The following OLFM3 variants were observed in gnomAD, a reference collection of about 807,000 sequenced individuals.
The protein encoded by OLFM3 is olfactomedin 3.
Under a neutral mutation model 48.6 loss-of-function variants are expected in OLFM3, and 20 were observed. The observed-to-expected ratio is 0.41, with a 90% CI of 0.29 to 0.60. OLFM3 has a LOEUF of 0.60. Ranked by LOEUF, OLFM3 falls within the 20% of genes least tolerant of loss-of-function variation. The pLI is 0.28. For synonymous variants in OLFM3, 222 were observed against 198.1 expected (o/e 1.12, Z -1.01); for missense variants, 437 against 544.3 (o/e 0.80, Z 1.96).
chr1:101,819,485 A>G (rs1300103216), intron 4 of OLFM3, among the ~76,000 whole-genome samples: 1 of 152,086 alleles, frequency 6.6e-6, no homozygotes, highest in Non-Finnish European at 1.5e-5. Context: ...TGAGTAATTC[A>G]GTTGAAAAAT....
Position 101,857,709 on chromosome 1 carries a change from C to T in OLFM3, c.70-20684G>A, listed in dbSNP as rs928280151. Among the ~76,000 whole-genome samples, 31 of 151,728 alleles carry T rather than the reference C, an allele frequency of 2.0e-4. 1 individual carries two copies. The highest frequency in any genetic ancestry group is 3.3e-4 in the Admixed American group (5 of 15,214). On this transcript the variant is annotated intron_variant, in intron 1 of 5. Transcript: ENST00000370103. ...TCCTTTTCTTCCTTCCATATTTTCT[C>T]CTTTCTTCTCTTTCACTTTCACCAA...
At chr1:101,888,978 C>A (rs1433540856) in intron 1 of OLFM3, among the ~76,000 whole-genome samples, 1 of 152,042 alleles carries the variant, frequency 6.6e-6, no homozygotes, top group Non-Finnish European at 1.5e-5. Context: ...GTTAGAATGG[C>A]GATCATTAAA....
chr1:101,928,630 G>T (rs989929360), intron 1 of OLFM3, among the ~76,000 whole-genome samples: 1 of 152,064 alleles, frequency 6.6e-6, no homozygotes, highest in Non-Finnish European at 1.5e-5. Flanking sequence ...TTCCTTCACA[G>T]AGATTCTAAG....
At chr1:101,986,151 G>C (rs142139126) in intron 1 of OLFM3, among the ~76,000 whole-genome samples, 4,310 of 152,008 alleles carry the variant, frequency 0.028, 78 homozygotes, top group Admixed American at 0.034. Context: ...ATTTTTAGTA[G>C]AGACGGGGTT....
intron 1 of OLFM3, among the ~76,000 whole-genome samples, chr1:101,944,754 C>T (rs916610820): frequency 6.6e-6 from 1 of 151,970 alleles, no homozygotes. Context: ...GTGGTGGGAG[C>T]CTGTAATCCC....
chr1:101,966,607 T>G (rs562869392), intron 1 of OLFM3, among the ~76,000 whole-genome samples: 1 of 152,320 alleles, frequency 6.6e-6, no homozygotes, highest in Admixed American at 6.5e-5. Flanking sequence ...GAAAATGTTT[T>G]CATGTTATGT....
At chr1:101,816,450 A>G (rs1274530135) in intron 4 of OLFM3, among the ~76,000 whole-genome samples, 3 of 152,164 alleles carry the variant, frequency 2.0e-5, no homozygotes, top group East Asian at 1.9e-4. Flanking sequence ...ACCATGAGTA[A>G]TCATGTGCCT....
At chr1:101,935,634 C>A (rs1044306771) in intron 1 of OLFM3, among the ~76,000 whole-genome samples, 4 of 152,214 alleles carry the variant, frequency 2.6e-5, no homozygotes, top group South Asian at 4.1e-4. Flanking sequence ...ACAAGGCCAG[C>A]ATCATCCTGA....
intron 4 of OLFM3, among the ~76,000 whole-genome samples, chr1:101,807,708 A>G (rs1420470567): frequency 2.0e-5 from 3 of 151,816 alleles, no homozygotes; most frequent in Non-Finnish European, 1.5e-5. Flanking sequence ...TGAATCGAAT[A>G]TATTTTTCCC....
At chr1:101,962,951 G>T (rs1321240991) in intron 1 of OLFM3, among the ~76,000 whole-genome samples, 6 of 152,154 alleles carry the variant, frequency 3.9e-5, no homozygotes, top group African/African-American at 1.4e-4. Context: ...AACCCTATGT[G>T]GTGTTCAGTT....
At chr1:101,976,281 C>G (rs1453945073) in intron 1 of OLFM3, among the ~76,000 whole-genome samples, 1 of 152,152 alleles carries the variant, frequency 6.6e-6, no homozygotes, top group Non-Finnish European at 1.5e-5. Flanking sequence ...ATGTAAGGAA[C>G]TCTGACCTGG....
At chr1:101,973,582 C>A (rs894542622) in intron 1 of OLFM3, among the ~76,000 whole-genome samples, 2 of 152,076 alleles carry the variant, frequency 1.3e-5, no homozygotes, top group African/African-American at 4.8e-5. Flanking sequence ...TTCATAGAGG[C>A]CATGGAAAGA....
chr1:101,848,198 A>G (rs1328101360), intron 1 of OLFM3, among the ~76,000 whole-genome samples: 1 of 152,224 alleles, frequency 6.6e-6, no homozygotes, highest in Non-Finnish European at 1.5e-5. Context: ...AAATATAAAG[A>G]GAAGACACAA....
At chr1:101,832,719 G>A (rs892146709) in intron 2 of OLFM3, among the ~76,000 whole-genome samples, 1 of 152,180 alleles carries the variant, frequency 6.6e-6, no homozygotes, top group Non-Finnish European at 1.5e-5. Context: ...GTTTGTAATA[G>A]TAATAATAAG....
intron 1 of OLFM3, among the ~76,000 whole-genome samples, chr1:101,956,647 A>G (rs997702286): frequency 2.6e-5 from 4 of 151,936 alleles, no homozygotes; most frequent in Non-Finnish European, 5.9e-5. Flanking sequence ...TAAGCTTATT[A>G]TAAGCTTATT....
At chr1:101,920,834 C>T (rs1004376329) in intron 1 of OLFM3, among the ~76,000 whole-genome samples, 4 of 152,218 alleles carry the variant, frequency 2.6e-5, no homozygotes, top group Non-Finnish European at 5.9e-5. Context: ...AGCAACCAGG[C>T]AGGTCCTGCT....
In OLFM3 at chr1:101,839,505, G is replaced by A. The variant is rs569548195; in HGVS notation, c.70-2480C>T. On this transcript the variant is annotated intron_variant, in intron 1 of 5. Transcript: ENST00000370103. ...AGCTGGGCATCTCCTAACATTGGAC[G>A]CAAATCTAAAATATGCCAGAAAATT... Among the ~76,000 whole-genome samples, 11 of 152,236 alleles carry A rather than the reference G, an allele frequency of 7.2e-5. No individual in the cohort carries two copies. In the South Asian group the frequency reaches 1.5e-3, roughly 20 times the overall value.
At chr1:101,916,268 T>G (rs1422372566) in intron 1 of OLFM3, among the ~76,000 whole-genome samples, 1 of 152,164 alleles carries the variant, frequency 6.6e-6, no homozygotes, top group African/African-American at 2.4e-5. Context: ...CAGGTGAGAA[T>G]GTAGTAGCCC....
At chr1:101,913,645 CCAGA>C (rs1658829188) in intron 1 of OLFM3, among the ~76,000 whole-genome samples, 1 of 151,132 alleles carries the variant, frequency 6.6e-6, no homozygotes, top group Non-Finnish European at 1.5e-5. Context: ...CTATTGCCAT[CCAGA>C]GGCTGAGTTC....
Sources: allele counts gnomAD v4.1 joint callset (sites outside exome capture counted in the v4.1 genomes callset), GRCh38; gene constraint gnomAD v4.1.1; transcripts MANE v1.5; gene names NCBI Gene and HGNC (gene_info 2026-07-23, HGNC 2026-07-21).